The following HFM1 variants were observed in gnomAD, a reference collection of about 807,000 sequenced individuals.
The protein encoded by HFM1 is helicase for meiosis 1, also known as probable ATP-dependent DNA helicase HFM1.
HFM1 carries 169 observed loss-of-function variants against 192.1 expected under a neutral mutation model. The observed-to-expected ratio is 0.88, with a 90% CI of 0.78 to 1.00. The LOEUF (loss-of-function observed/expected upper bound fraction) is 1.00, where lower values mean the gene tolerates loss of function less well. HFM1 is among the 50% of genes least tolerant of loss of function. The pLI, the probability that HFM1 is intolerant of heterozygous loss-of-function variation, is 0.00. For synonymous variants in HFM1, 525 were observed against 537.8 expected, an observed-to-expected ratio of 0.98 and a Z score of 0.33; for missense variants, 1,661 against 1,668.0, an observed-to-expected ratio of 1.00 and a Z score of 0.07.
chr1:91,283,482 A>C (rs1667647988), intron 30 of HFM1, among the ~76,000 whole-genome samples: 1 of 152,110 alleles, frequency 6.6e-6, no homozygotes, highest in Non-Finnish European at 1.5e-5. Flanking sequence ...CGAACCTGTA[A>C]GTTCAAGCAA....
chr1:91,261,208 T>C lies in HFM1; in HGVS notation c.*82A>G. The C allele has an allele frequency of 1.7e-6, 1 of 575,428 alleles. No homozygotes were observed. The highest frequency in any genetic ancestry group is 4.2e-5 in the Admixed American group (1 of 23,686). 35.6% of individuals were successfully genotyped at this position (575,428 alleles called of 1,614,324 possible). ...GAAAAAAATCCGAACAATTATGAAC[T>C]ACTTTTTAAAAATAAAAAGCATGCT... is the stretch of plus-strand genomic sequence containing the variant. On this transcript the variant is annotated 3_prime_UTR_variant, in exon 39 of 39. Coordinates refer to ENST00000370425, the MANE Select transcript of HFM1 (RefSeq NM_001017975.6).
At chr1:91,402,216 TGATGTGGG>T (rs1387103440) in intron 1 of HFM1, among the ~76,000 whole-genome samples, 3 of 152,124 alleles carry the variant, frequency 2.0e-5, no homozygotes, top group Non-Finnish European at 4.4e-5. Context: ...GAATCCTCCT[TGATGTGGG>T]GATGAGATAC....
intron 30 of HFM1, among the ~76,000 whole-genome samples, chr1:91,304,633 ATTTTT>A (rs58215219): frequency 1.4e-5 from 2 of 140,694 alleles, no homozygotes; most frequent in African/African-American, 2.6e-5. Flanking sequence ...CAGCCGGCTA[ATTTTT>A]TTTTTTTTTT....
chr1:91,277,863 TTATA>T (rs1170051105), intron 30 of HFM1, among the ~76,000 whole-genome samples: 1 of 11,892 alleles, frequency 8.4e-5, no homozygotes, highest in Non-Finnish European at 1.5e-4. Flanking sequence ...TATATATACT[TTATA>T]TATATAATAT....
At chr1:91,295,897 G>T (rs1487791168) in intron 30 of HFM1, among the ~76,000 whole-genome samples, 2 of 151,870 alleles carry the variant, frequency 1.3e-5, no homozygotes, top group African/African-American at 2.4e-5. Flanking sequence ...AATAAGTTTT[G>T]TGTACAGTGT....
intron 20 of HFM1, among the ~76,000 whole-genome samples, chr1:91,338,720 A>G (rs1654931511): frequency 6.6e-6 from 1 of 152,076 alleles, no homozygotes; most frequent in Non-Finnish European, 1.5e-5. Flanking sequence ...CCACCAGTGC[A>G]CCACCGGTAC....
At chr1:91,355,435 A>G (rs1657589055) in intron 13 of HFM1, among the ~76,000 whole-genome samples, 1 of 151,414 alleles carries the variant, frequency 6.6e-6, no homozygotes, top group South Asian at 2.1e-4. Flanking sequence ...GATAGAAGAA[A>G]AAAAAAAAAC....
intron 20 of HFM1, among the ~76,000 whole-genome samples, chr1:91,326,524 T>C (rs1406538051): frequency 2.0e-5 from 3 of 152,164 alleles, no homozygotes; most frequent in Non-Finnish European, 2.9e-5. Context: ...GAAAATATCC[T>C]TTAACAATGA....
At chr1:91,275,532 T>C (rs1423525128) in intron 32 of HFM1, among the ~76,000 whole-genome samples, 1 of 152,200 alleles carries the variant, frequency 6.6e-6, no homozygotes, top group African/African-American at 2.4e-5. Flanking sequence ...CTTATCCTGT[T>C]CTCTATTTCA....
chr1:91,313,473 T>C lies in HFM1; in HGVS notation c.3267A>G (p.Lys1089=), dbSNP rs1245534123. ...TGGGTTCTAAGTAAAAGACTGTAAG[T>C]TTCTGCTGAATATCAAGCCCAACTG... ...SEFVGLDIQQ[K]LTVFYLEPKR... is the part of the protein sequence containing the mutation. The change falls in exon 30 of 39, where the codon AAA becomes AAG. Residue 1089 remains lysine, a synonymous_variant. Coordinates refer to ENST00000370425, the MANE Select transcript of HFM1 (RefSeq NM_001017975.6). 1.9e-6 allele frequency: 3 copies of C among 1,587,982 alleles called. No homozygotes were observed. In the South Asian group the frequency reaches 3.6e-5, roughly 19 times the overall value.
At chr1:91,324,924 A>C (rs1652661906) in intron 20 of HFM1, among the ~76,000 whole-genome samples, 158 bp from the exon 21 acceptor site, 1 of 152,156 alleles carries the variant, frequency 6.6e-6, no homozygotes, top group African/African-American at 2.4e-5. Context: ...TTTTAACAAC[A>C]ATCTGCACAC....
chr1:91,363,371 A>G (rs1329192253), intron 13 of HFM1, among the ~76,000 whole-genome samples: 1 of 142,012 alleles, frequency 7.0e-6, no homozygotes, highest in Non-Finnish European at 1.5e-5. Flanking sequence ...AAAGCGGGCA[A>G]TGGACATGAA....
At chr1:91,329,159 G>C in intron 20 of HFM1, 1 of 1,609,894 alleles carries the variant, frequency 6.2e-7, no homozygotes, top group Non-Finnish European at 8.5e-7. Flanking sequence ...AGATCGTGCA[G>C]CGACTTGACC....
At chr1:91,303,104 CAT>C (rs1649087255) in intron 30 of HFM1, among the ~76,000 whole-genome samples, 1 of 152,148 alleles carries the variant, frequency 6.6e-6, no homozygotes, top group South Asian at 2.1e-4. Flanking sequence ...CAACAGTCAT[CAT>C]ATAATTCCAG....
intron 13 of HFM1, among the ~76,000 whole-genome samples, chr1:91,363,248 C>T (rs569790384): frequency 1.4e-4 from 21 of 151,954 alleles, no homozygotes; most frequent in African/African-American, 5.1e-4. Flanking sequence ...AATAGACAAC[C>T]CACAGAATAG....
chr1:91,404,763 A>C (rs772881771), intron 1 of HFM1, 35 bp downstream of exon 1: 1 of 424,680 alleles, frequency 2.4e-6, no homozygotes, highest in South Asian at 1.6e-5. Flanking sequence ...CCCCGTCCCC[A>C]CCTTCCCCGC....
rs1444886089 is a variant in HFM1 at position 91,291,533 on chromosome 1, C to T, written c.3392-14471G>A. Among the ~76,000 whole-genome samples the T allele has an allele frequency of 3.3e-5, 5 of 152,278 alleles. No individual in the cohort carries two copies. In the South Asian group the frequency reaches 6.2e-4, roughly 19 times the overall value. On this transcript the variant is annotated intron_variant, in intron 30 of 38. Coordinates refer to ENST00000370425, the MANE Select transcript of HFM1 (RefSeq NM_001017975.6). ...GTTGAATCTCTGAATAGACCAATAACAGGAGCTGAAATTGTGGCAATAATC... is the reference window on the plus strand; with the variant it reads ...GTTGAATCTCTGAATAGACCAATAATAGGAGCTGAAATTGTGGCAATAATC...
intron 38 of HFM1, chr1:91,261,719 T>C: frequency 6.2e-6 from 1 of 161,748 alleles, no homozygotes; most frequent in Admixed American, 6.4e-5. Context: ...ACTTGACTAG[T>C]CTTAAACAAA....
intron 20 of HFM1, among the ~76,000 whole-genome samples, chr1:91,333,828 T>TA (rs1037467137): frequency 6.6e-6 from 1 of 152,174 alleles, no homozygotes; most frequent in Admixed American, 6.5e-5. Flanking sequence ...ACAAAAGACA[T>TA]ACCAAAAAAT....
Sources: gnomAD v4.1 joint callset for allele counts (sites outside exome capture counted in the v4.1 genomes callset) on GRCh38, gnomAD v4.1.1 for gene constraint, MANE v1.5 for transcripts, NCBI Gene and HGNC (gene_info 2026-07-23, HGNC 2026-07-21) for gene names.